The following CAPN9 variants were observed in gnomAD, a reference collection of about 807,000 sequenced individuals.
The protein encoded by CAPN9 is calpain 9, also known as calpain-9.
A neutral mutation model predicts 92.8 loss-of-function variants in CAPN9; 81 were observed. The ratio of observed to expected loss-of-function variants is 0.87; its 90% confidence interval spans 0.73 to 1.05. CAPN9 has a LOEUF of 1.05. Ranked by LOEUF, CAPN9 falls within the 50% of genes least tolerant of loss-of-function variation. The pLI is 0.00. For synonymous variants in CAPN9, 304 were observed against 328.0 expected (o/e 0.93, Z 0.79); for missense variants, 848 against 866.2 (o/e 0.98, Z 0.26).
At chr1:230,757,753 C>T (rs1438729213) in intron 2 of CAPN9, among the ~76,000 whole-genome samples, 1 of 147,608 alleles carries the variant, frequency 6.8e-6, no homozygotes, top group African/African-American at 2.5e-5. Context: ...ACACTTGGAA[C>T]AGCATCAAGG....
At position 230,801,673 on chromosome 1, in the gene CAPN9, T is replaced by G; in HGVS notation, c.*77T>G. Reference sequence around the variant, plus strand: ...TTGACCTTCAGAACTTCTCTTGGTGTGGAACCATTACGCCCAGGGTTCACT... The same window carrying G: ...TTGACCTTCAGAACTTCTCTTGGTGGGGAACCATTACGCCCAGGGTTCACT... On this transcript the variant is annotated 3_prime_UTR_variant, in exon 20 of 20. Coordinates refer to ENST00000271971, the MANE Select transcript of CAPN9 (RefSeq NM_006615.3). 1.5e-6 allele frequency: 2 copies of G among 1,341,900 alleles called. No homozygotes were observed. Among genetic ancestry groups the G allele is most frequent in the Non-Finnish European group, 2.1e-6 (2 of 931,410 alleles). The allele number at this position is 1,341,900 out of a possible 1,614,324, so 83.1% of individuals were successfully genotyped here. A position where few individuals can be genotyped will look rare whatever the true frequency, so the allele number is the denominator to read the frequency against.
In CAPN9 at chr1:230,747,482, T is replaced by G. The variant is rs762255776; in HGVS notation, c.-15T>G. 6.2e-7 allele frequency: 1 copy of G among 1,612,264 alleles called. No individual in the cohort carries two copies. The highest frequency in any genetic ancestry group is 1.3e-5 in the African/African-American group (1 of 74,888). ...ATCCACTGCCGGACCCAAGCCAGCC[T>G]TCCAGGGAGCAGCCATGCCTTACCT... On this transcript the variant is annotated 5_prime_UTR_variant, in exon 1 of 20. Transcript: ENST00000271971.
intron 8 of CAPN9, among the ~76,000 whole-genome samples, chr1:230,774,856 C>T (rs3790978): frequency 0.17 from 25,394 of 151,194 alleles, 2,255 homozygotes; most frequent in Middle Eastern, 0.22. Flanking sequence ...ATACTCCTGC[C>T]TCAGCCTCCC....
intron 19 of CAPN9, 58 bp from the exon 20 acceptor site, chr1:230,801,512 G>T: frequency 6.3e-7 from 1 of 1,575,126 alleles, no homozygotes; most frequent in African/African-American, 1.3e-5. Flanking sequence ...TCCTGAGGCT[G>T]AGGCTGGAAG....
chr1:230,774,837 G>T (rs530864241), intron 8 of CAPN9, among the ~76,000 whole-genome samples: 3 of 150,148 alleles, frequency 2.0e-5, no homozygotes, highest in Non-Finnish European at 4.4e-5. Flanking sequence ...TGCCTCCCAG[G>T]TTCAAGTGAT....
chr1:230,762,523 T>G (rs1370295623), intron 3 of CAPN9, 130 bp from the exon 4 acceptor site: 3 of 1,071,472 alleles, frequency 2.8e-6, no homozygotes, highest in South Asian at 1.5e-5. Flanking sequence ...AACCCGTGTG[T>G]GATTTTCAAA....
chr1:230,790,715 C>T (rs868483032), intron 14 of CAPN9, among the ~76,000 whole-genome samples: 10 of 152,150 alleles, frequency 6.6e-5, no homozygotes, highest in Non-Finnish European at 1.2e-4. Flanking sequence ...CCGAGACAGG[C>T]GGATCACCTA....
chr1:230,770,700 C>T (rs1666333883), intron 6 of CAPN9, among the ~76,000 whole-genome samples: 1 of 152,156 alleles, frequency 6.6e-6, no homozygotes, highest in African/African-American at 2.4e-5. Flanking sequence ...GGACAAGAAG[C>T]CAAAGGTATC....
intron 8 of CAPN9, 123 bp downstream of exon 8, chr1:230,774,754 TTTTTGAGACGGAG>T (rs1666635184): frequency 1.5e-6 from 1 of 676,944 alleles, no homozygotes; most frequent in Non-Finnish European, 2.5e-6. Context: ...TTTTTTTTTT[TTTTTGAGACGGAG>T]TTTTGTTCTT....
chr1:230,780,531 A>G lies in CAPN9; in HGVS notation c.1304A>G (p.Asp435Gly), dbSNP rs1469747753. 6.2e-7 allele frequency: 1 copy of G among 1,614,006 alleles called. No homozygotes were observed. Among genetic ancestry groups the G allele is most frequent in the South Asian group, 1.1e-5 (1 of 91,050 alleles). Residue 435 changes from aspartate (D) to glycine (G), a missense_variant, in exon 11 of 20, where the codon GAC becomes GGC. Asp to Gly is a moderately conservative substitution (Grantham distance 94). Coordinates refer to ENST00000271971, the MANE Select transcript of CAPN9 (RefSeq NM_006615.3). ...GACAAAGACGAACACCTGAACAAAG[A>G]CTTCTTCAGATACCACGCTTCTCGG... ...CPDKDEHLNK[D>G]FFRYHASRAR...
At chr1:230,748,079 G>A (rs1664542355) in intron 1 of CAPN9, among the ~76,000 whole-genome samples, 2 of 152,354 alleles carry the variant, frequency 1.3e-5, no homozygotes, top group South Asian at 4.1e-4. Context: ...ATCACGTTAT[G>A]CACAGTGTTC....
At chr1:230,791,832 C>T (rs367921065) in intron 14 of CAPN9, 32 bp from the exon 15 acceptor site, 4 of 1,574,328 alleles carry the variant, frequency 2.5e-6, no homozygotes, top group Non-Finnish European at 3.5e-6. Flanking sequence ...CTTATCGGGT[C>T]AACTGAATTC....
intron 4 of CAPN9, among the ~76,000 whole-genome samples, chr1:230,764,942 G>A (rs1665876566): frequency 6.6e-6 from 1 of 152,018 alleles, no homozygotes; most frequent in Non-Finnish European, 1.5e-5. Flanking sequence ...TCTATACTTG[G>A]GTTATCATAC....
At position 230,801,713 on chromosome 1, in the gene CAPN9, C is replaced by A; in HGVS notation, c.*117C>A. ...CAGGGTTCACTCCCCTCTCATCGTC[C>A]GGCCTTCTCCCTTCATCTTGATCTG... On this transcript the variant is annotated 3_prime_UTR_variant, in exon 20 of 20. Transcript: ENST00000271971. 1.1e-6 allele frequency: 1 copy of A among 898,608 alleles called. No homozygotes were observed. The highest frequency in any genetic ancestry group is 1.9e-6 in the Non-Finnish European group (1 of 530,828). 55.7% of individuals were successfully genotyped at this position (898,608 alleles called of 1,614,324 possible).
chr1:230,788,900 G>A (rs1667788767), intron 13 of CAPN9, among the ~76,000 whole-genome samples: 1 of 152,212 alleles, frequency 6.6e-6, no homozygotes, highest in Admixed American at 6.5e-5. Context: ...AGCGGTGAAT[G>A]TTGCAGGAGT....
intron 8 of CAPN9, among the ~76,000 whole-genome samples, chr1:230,778,192 G>A (rs967302665): frequency 6.6e-6 from 1 of 151,812 alleles, no homozygotes; most frequent in Non-Finnish European, 1.5e-5. Context: ...CCTTTCATTC[G>A]CTCCTTCCCC....
chr1:230,786,074 T>C, intron 12 of CAPN9, 57 bp downstream of exon 12: 2 of 1,608,474 alleles, frequency 1.2e-6, no homozygotes, highest in Admixed American at 1.7e-5. Context: ...TCTGGAAACC[T>C]TCCTTCTAAT....
intron 1 of CAPN9, among the ~76,000 whole-genome samples, chr1:230,753,338 G>C (rs1027311004): frequency 3.9e-5 from 6 of 152,176 alleles, no homozygotes; most frequent in African/African-American, 1.4e-4. Flanking sequence ...TCCTGGCCAA[G>C]CTTTCTTGAG....
intron 3 of CAPN9, among the ~76,000 whole-genome samples, chr1:230,761,519 G>C (rs1276672967): frequency 6.6e-6 from 1 of 151,730 alleles, no homozygotes; most frequent in Non-Finnish European, 1.5e-5. Context: ...CTGGAGGGGA[G>C]GTCCAGCTGG....
Sources: allele counts gnomAD v4.1 joint callset (sites outside exome capture counted in the v4.1 genomes callset), GRCh38; gene constraint gnomAD v4.1.1; transcripts MANE v1.5; gene names NCBI Gene and HGNC (gene_info 2026-07-23, HGNC 2026-07-21).